Variants in LNPEP observed in about 807,000 individuals in gnomAD.
LNPEP encodes leucyl and cystinyl aminopeptidase.
A neutral mutation model predicts 120.6 loss-of-function variants in LNPEP; 64 were observed. That is an observed-to-expected ratio of 0.53 (90% CI 0.43 to 0.65). LNPEP has a LOEUF of 0.65. Ranked by LOEUF, LNPEP falls within the 30% of genes least tolerant of loss-of-function variation. The pLI is 0.00. For synonymous variants in LNPEP, 435 were observed against 425.4 expected (o/e 1.02, Z -0.28); for missense variants, 1,057 against 1,200.0 (o/e 0.88, Z 1.76).
chr5:97,018,235 G>A (rs910085248), intron 13 of LNPEP, among the ~76,000 whole-genome samples: 1 of 151,988 alleles, frequency 6.6e-6, no homozygotes, highest in African/African-American at 2.4e-5. Flanking sequence ...ACCCTGTGAG[G>A]AGGCAGAATA....
chr5:97,007,643 A>C (rs1169625700), intron 11 of LNPEP, among the ~76,000 whole-genome samples: 2 of 152,154 alleles, frequency 1.3e-5, no homozygotes, highest in Non-Finnish European at 2.9e-5. Context: ...ATTTTTAATA[A>C]ATATTTGTAC....
intron 11 of LNPEP, among the ~76,000 whole-genome samples, chr5:97,013,132 T>C (rs1484686210): frequency 6.6e-6 from 1 of 152,122 alleles, no homozygotes; most frequent in Non-Finnish European, 1.5e-5. Flanking sequence ...ATAACATGTA[T>C]ACTTTCTCTC....
At chr5:96,942,675 G>C (rs1243276497) in intron 1 of LNPEP, among the ~76,000 whole-genome samples, 1 of 134,024 alleles carries the variant, frequency 7.5e-6, no homozygotes. Context: ...AAAAAAATAC[G>C]AGAACACTTG....
chr5:96,991,671 C>A (rs1239714747), intron 4 of LNPEP, among the ~76,000 whole-genome samples: 3 of 151,858 alleles, frequency 2.0e-5, no homozygotes, highest in African/African-American at 7.3e-5. Flanking sequence ...TATTTTCTTG[C>A]TGATTTGTTT....
chr5:97,015,134 T>A, intron 13 of LNPEP, 39 bp downstream of exon 13: 1 of 1,435,540 alleles, frequency 7.0e-7, no homozygotes, highest in Non-Finnish European at 9.3e-7. Context: ...CTGTTTATCT[T>A]TAATATTGTT....
chr5:96,962,737 A>C (rs1789635331), intron 1 of LNPEP: 1 of 151,320 alleles, frequency 6.6e-6, no homozygotes, highest in Non-Finnish European at 1.5e-5. Context: ...AGTTGTAAAT[A>C]CCACTGCACT....
intron 4 of LNPEP, among the ~76,000 whole-genome samples, chr5:96,988,170 C>T (rs537694081): frequency 2.0e-4 from 30 of 151,746 alleles, no homozygotes; most frequent in Non-Finnish European, 3.8e-4. Flanking sequence ...CCTTTTTCCC[C>T]CTTTCTCTCA....
chr5:96,966,511 TGTGTGTG>T (rs1789726913), intron 1 of LNPEP, among the ~76,000 whole-genome samples: 3 of 13,214 alleles, frequency 2.3e-4, no homozygotes, highest in African/African-American at 4.0e-4. Flanking sequence ...CATATATTTG[TGTGTGTG>T]TGTGTGTGTG....
intron 1 of LNPEP, among the ~76,000 whole-genome samples, chr5:96,973,879 C>T (rs935229805): frequency 1.3e-4 from 20 of 152,040 alleles, no homozygotes; most frequent in African/African-American, 3.9e-4. Flanking sequence ...CGCTTTTTGT[C>T]CTGTCTTCTA....
rs1026938788 is a variant in LNPEP, at chr5:97,028,887, A to G, written c.*354A>G. ...GTTACTGACACAGTAAAACAAGGAA[A>G]GTTCTACCCTAAGAGCCGCCATCAC... On this transcript the variant is annotated 3_prime_UTR_variant, in exon 18 of 18. Transcript: ENST00000231368. The G allele has an allele frequency of 5.2e-6, 1 of 192,188 alleles. No individual in the cohort carries two copies. The highest frequency in any genetic ancestry group is 1.5e-4 in the East Asian group (1 of 6,484). The allele number at this position is 192,188 out of a possible 1,614,324, so 11.9% of individuals were successfully genotyped here.
chr5:96,985,370 T>C, intron 3 of LNPEP, 152 bp downstream of exon 3: 3 of 678,460 alleles, frequency 4.4e-6, no homozygotes, highest in Admixed American at 7.4e-5. Flanking sequence ...AATTAAAATA[T>C]ATTGGCATCA....
intron 1 of LNPEP, among the ~76,000 whole-genome samples, chr5:96,950,121 G>T (rs1476635435): frequency 1.3e-5 from 2 of 152,178 alleles, no homozygotes; most frequent in Non-Finnish European, 2.9e-5. Context: ...AGAAGACAGT[G>T]CTAAATAGGA....
chr5:96,949,641 C>G (rs1032851512), intron 1 of LNPEP, among the ~76,000 whole-genome samples: 10 of 152,174 alleles, frequency 6.6e-5, no homozygotes, highest in African/African-American at 2.4e-4. Flanking sequence ...ATGGTGCCTT[C>G]AAGAAAATGC....
At chr5:97,015,570 C>A (rs1791046822) in intron 13 of LNPEP, among the ~76,000 whole-genome samples, 3 of 152,074 alleles carry the variant, frequency 2.0e-5, no homozygotes, top group Admixed American at 2.0e-4. Flanking sequence ...CTAAAGGAGT[C>A]TTAGTATTAG....
chr5:96,979,286 G>A lies in LNPEP; in HGVS notation c.168G>A (p.Arg56=). ...CCCGGGGTTCCCGACTGCTGGTGCG[G>A]GGTCTTGGTGAGCATGAGATGGAGG... ...YEPRGSRLLV[R]GLGEHEMEED... Residue 56 remains arginine (R), a synonymous_variant, in exon 2 of 18, where the codon CGG becomes CGA. Coordinates refer to ENST00000231368, the MANE Select transcript of LNPEP (RefSeq NM_005575.3). The A allele has an allele frequency of 1.2e-6, 2 of 1,613,996 alleles. No individual in the cohort carries two copies. The highest frequency in any genetic ancestry group is 1.7e-6 in the Non-Finnish European group (2 of 1,179,918).
chr5:96,950,686 A>T (rs1242985222), intron 1 of LNPEP, among the ~76,000 whole-genome samples: 1 of 152,206 alleles, frequency 6.6e-6, no homozygotes, highest in Non-Finnish European at 1.5e-5. Flanking sequence ...AAAAAAGTGG[A>T]TGTTTCTGTA....
chr5:96,966,323 C>T (rs181508501), intron 1 of LNPEP, among the ~76,000 whole-genome samples: 2 of 151,650 alleles, frequency 1.3e-5, no homozygotes, highest in South Asian at 4.2e-4. Context: ...ATAGTGAGAC[C>T]CTATCTCTAC....
intron 1 of LNPEP, among the ~76,000 whole-genome samples, chr5:96,975,795 T>A (rs1343731740): frequency 6.6e-6 from 1 of 152,198 alleles, no homozygotes; most frequent in East Asian, 1.9e-4. Flanking sequence ...TCTATGTATA[T>A]CCTGTCCCAG....
chr5:96,951,088 CTT>C (rs1238137696), intron 1 of LNPEP, among the ~76,000 whole-genome samples: 1 of 152,182 alleles, frequency 6.6e-6, no homozygotes, highest in East Asian at 1.9e-4. Context: ...CTCACATGGT[CTT>C]TGTTCTGTGC....
Sources: gnomAD v4.1 joint callset for allele counts (sites outside exome capture counted in the v4.1 genomes callset) on GRCh38, gnomAD v4.1.1 for gene constraint, MANE v1.5 for transcripts, NCBI Gene and HGNC (gene_info 2026-07-23, HGNC 2026-07-21) for gene names.